Variants in YIF1A observed in about 807,000 individuals in gnomAD.
YIF1A encodes protein YIF1A.
Under a neutral mutation model 32.6 loss-of-function variants are expected in YIF1A, and 28 were observed. The observed-to-expected ratio is 0.86, with a 90% confidence interval of 0.64 to 1.18. The LOEUF is 1.18. Among genes scored for constraint, YIF1A ranks in the 50% most tolerant of loss-of-function variants. The probability of loss-of-function intolerance (pLI) is 0.00; values close to 1 mark genes in which losing one functional copy is unlikely to be tolerated. For missense variants in YIF1A, 373 were observed against 390.8 expected (o/e 0.95, Z 0.38); for synonymous variants, 175 against 162.2 (o/e 1.08, Z -0.60).
chr11:66,285,218 T>G, intron 6 of YIF1A, 163 bp downstream of exon 6: 1 of 1,160,716 alleles, frequency 8.6e-7, no homozygotes, highest in South Asian at 1.5e-5. Flanking sequence ...AACCTCTGCA[T>G]GGCACGCAGA....
At chr11:66,287,726 AAAG>A (rs1857380602) in intron 3 of YIF1A, 50 bp from the exon 4 acceptor site, 1 of 1,610,480 alleles carries the variant, frequency 6.2e-7, no homozygotes, top group Non-Finnish European at 8.5e-7. Context: ...GAAGAAGAGA[AAAG>A]AGGAGAGAAG....
At position 66,284,583 on chromosome 11, in the gene YIF1A, A is replaced by C. The variant is rs1857319023; in HGVS notation, c.*54T>G. 2 of 1,594,144 alleles carry C rather than the reference A, an allele frequency of 1.3e-6. No homozygotes were observed. Among genetic ancestry groups the C allele is most frequent in the Non-Finnish European group, 1.7e-6 (2 of 1,165,654 alleles). On this transcript the variant is annotated 3_prime_UTR_variant, in exon 8 of 8. Coordinates refer to ENST00000376901, the MANE Select transcript of YIF1A (RefSeq NM_020470.3). ...CAGGAACAAGGGTCAGACAAAGTCA[A>C]GGAAATCAAATCTTCAATGAATGAA...
At chr11:66,286,672 G>A (rs1211803207) in intron 4 of YIF1A, among the ~76,000 whole-genome samples, 1 of 152,220 alleles carries the variant, frequency 6.6e-6, no homozygotes, top group South Asian at 2.1e-4. Flanking sequence ...CCAGCGGGGA[G>A]TGTCTGGAGT....
chr11:66,288,353 G>T, intron 1 of YIF1A, 61 bp from the exon 2 acceptor site: 1 of 1,598,720 alleles, frequency 6.3e-7, no homozygotes, highest in Non-Finnish European at 8.6e-7. Flanking sequence ...CCAAACCACC[G>T]CCCCTTCCCT....
chr11:66,288,933 G>A, intron 1 of YIF1A, 22 bp downstream of exon 1: 2 of 1,478,254 alleles, frequency 1.4e-6, no homozygotes, highest in East Asian at 2.7e-5. Context: ...GCCGCGCCGC[G>A]CCCCGCCCGC....
chr11:66,286,361 A>C (rs1857357071), intron 4 of YIF1A, among the ~76,000 whole-genome samples: 1 of 152,248 alleles, frequency 6.6e-6, no homozygotes, highest in Non-Finnish European at 1.5e-5. Flanking sequence ...TCACGCCTGT[A>C]ATCCCAGCAC....
Position 66,287,850 on chromosome 11 carries a change from TGGCCACGTA to T in YIF1A, c.301_309del (p.Tyr101_Ala103del), listed in dbSNP as rs759023884. The T allele has an allele frequency of 6.2e-7, 1 of 1,614,012 alleles. No individual in the cohort carries two copies. Among genetic ancestry groups the T allele is most frequent in the Non-Finnish European group, 8.5e-7 (1 of 1,180,000 alleles). On this transcript the variant is annotated inframe_deletion, in exon 3 of 8. Coordinates refer to ENST00000376901, the MANE Select transcript of YIF1A (RefSeq NM_020470.3). ...GGGAAGACCAGCAGCCCTAGCTTCT[TGGCCACGTA>T]GGCTGTGTCCACAGCAAAAAAATAC...
At chr11:66,285,644 G>A in intron 5 of YIF1A, 57 bp downstream of exon 5, 2 of 1,612,044 alleles carry the variant, frequency 1.2e-6, no homozygotes, top group East Asian at 2.2e-5. Flanking sequence ...ATGCCCTAGG[G>A]AGGTTGGGAG....
intron 3 of YIF1A, 33 bp from the exon 4 acceptor site, chr11:66,287,709 A>G: frequency 6.2e-7 from 1 of 1,611,064 alleles, no homozygotes; most frequent in Non-Finnish European, 8.5e-7. Flanking sequence ...CGGCCACATC[A>G]GGAGGGGAAG....
intron 1 of YIF1A, 92 bp from the exon 2 acceptor site, chr11:66,288,384 G>C: frequency 3.3e-6 from 5 of 1,496,586 alleles, no homozygotes; most frequent in Non-Finnish European, 4.6e-6. Context: ...CCCTGCACGG[G>C]TCCTGGAGGC....
Position 66,287,840 on chromosome 11 carries a change from C to CCTAG in YIF1A, c.316_319dup (p.Gly107AlafsTer20), listed in dbSNP as rs1295592526. 1.2e-6 allele frequency: 2 copies of CCTAG among 1,614,034 alleles called. No homozygotes were observed. On this transcript the variant is annotated frameshift_variant, in exon 3 of 8. Coordinates refer to ENST00000376901, the MANE Select transcript of YIF1A (RefSeq NM_020470.3). LOFTEE classifies it high-confidence loss of function. ...GTGTGTGTAGGGGAAGACCAGCAGC[C>CCTAG]CTAGCTTCTTGGCCACGTAGGCTGT... is the stretch of plus-strand genomic sequence containing the variant.
At position 66,288,120 on chromosome 11, in the gene YIF1A, G is replaced by A. The variant is rs745596731; in HGVS notation, c.204C>T (p.Ser68=). 6.2e-7 allele frequency: 1 copy of A among 1,613,812 alleles called. No individual in the cohort carries two copies. Among genetic ancestry groups the A allele is most frequent in the Non-Finnish European group, 8.5e-7 (1 of 1,180,020 alleles). The change falls in exon 2 of 8, where the codon AGC becomes AGT. Residue 68 remains serine (S), a synonymous_variant. Coordinates refer to ENST00000376901, the MANE Select transcript of YIF1A (RefSeq NM_020470.3). ...TGTCCTTCCCATGGGATGCGATGGAGCTGCCATAGGCCATAGCCACATTGG... is the reference window on the plus strand; with the variant it reads ...TGTCCTTCCCATGGGATGCGATGGAACTGCCATAGGCCATAGCCACATTGG... ...PMANVAMAYG[S]SIASHGKDMV...
At chr11:66,285,032 C>T in intron 6 of YIF1A, 66 bp from the exon 7 acceptor site, 10 of 1,540,294 alleles carry the variant, frequency 6.5e-6, no homozygotes, top group Non-Finnish European at 8.9e-6. Flanking sequence ...GGCCCTACCC[C>T]CAACGCCCAG....
Position 66,287,910 on chromosome 11 carries a change from G to C in YIF1A, c.250C>G (p.Arg84Gly), listed in dbSNP as rs151205221. 2 of 1,613,160 alleles carry C rather than the reference G, an allele frequency of 1.2e-6. No individual in the cohort carries two copies. Among genetic ancestry groups the C allele is most frequent in the East Asian group, 2.2e-5 (1 of 44,886 alleles). Residue 84 changes from arginine (R) to glycine (G), a missense_variant, in exon 3 of 8, where the codon CGT becomes GGT. Arg to Gly is a moderately radical substitution (Grantham distance 125, BLOSUM62 -2). Transcript: ENST00000376901. ...GKDMVHKELH[R>G]FVSVSKLKYF... ...TTGAGTTTGCTCACAGACACAAAAC[G>C]GTGCAGCTGGGAGGGGAGAGAGGAA... is the stretch of plus-strand genomic sequence containing the variant.
chr11:66,285,235 G>C, intron 6 of YIF1A, 146 bp downstream of exon 6: 3 of 1,263,972 alleles, frequency 2.4e-6, no homozygotes, highest in Non-Finnish European at 3.3e-6. Context: ...CAGATCCTCA[G>C]GAGACTGCTG....
At chr11:66,287,967 G>T in intron 2 of YIF1A, 51 bp from the exon 3 acceptor site, 1 of 1,606,644 alleles carries the variant, frequency 6.2e-7, no homozygotes, top group Non-Finnish European at 8.5e-7. Flanking sequence ...AGGCCTCAGG[G>T]TGCCCCTCTG....
intron 6 of YIF1A, 102 bp downstream of exon 6, chr11:66,285,279 A>T: frequency 1.3e-6 from 2 of 1,502,446 alleles, no homozygotes; most frequent in Non-Finnish European, 1.8e-6. Context: ...GAGCAGTGCT[A>T]GAGGTCACTA....
chr11:66,289,108 C>T lies in YIF1A; in HGVS notation c.-123G>A. The T allele has an allele frequency of 7.4e-7, 1 of 1,347,410 alleles. No individual in the cohort carries two copies. The highest frequency in any genetic ancestry group is 9.6e-7 in the Non-Finnish European group (1 of 1,036,766). The allele number at this position is 1,347,410 out of a possible 1,614,324, so 83.5% of individuals were successfully genotyped here. ...CCACCCGGCCGCGCGACACGTCCCC[C>T]ACCCCGCCGGTCTCGGCCACCATGT... On this transcript the variant is annotated 5_prime_UTR_variant, in exon 1 of 8. Transcript: ENST00000376901.
chr11:66,288,208 C>A lies in YIF1A; in HGVS notation c.116G>T (p.Gly39Val). Residue 39 changes from glycine (G) to valine (V), a missense_variant, in exon 2 of 8, where the codon GGA (glycine) becomes GTA (valine). By Grantham distance (109) the Gly-to-Val change is moderately radical. Transcript: ENST00000376901. ...TSGGYSSQPG[G>V]YPATGADVAF... ...CACGTCTGCTCCTGTGGCTGGGTATCCCCCGGGCTGGCTGGAATAACCACC... is the reference window on the plus strand; with the variant it reads ...CACGTCTGCTCCTGTGGCTGGGTATACCCCGGGCTGGCTGGAATAACCACC... 6.2e-7 allele frequency: 1 copy of A among 1,614,110 alleles called. No homozygotes were observed. The highest frequency in any genetic ancestry group is 8.5e-7 in the Non-Finnish European group (1 of 1,180,030).
Sources: allele counts gnomAD v4.1 joint callset (sites outside exome capture counted in the v4.1 genomes callset), GRCh38; gene constraint gnomAD v4.1.1; transcripts MANE v1.5; gene names NCBI Gene and HGNC (gene_info 2026-07-23, HGNC 2026-07-21).